The following SLC7A14 variants were observed in gnomAD, a reference collection of about 807,000 sequenced individuals.
SLC7A14 encodes the protein gamma-aminobutyric acid transporter SLC7A14.
SLC7A14 carries 37 observed loss-of-function variants against 60.2 expected under a neutral mutation model. The ratio of observed to expected loss-of-function variants is 0.61; its 90% CI spans 0.47 to 0.81. The LOEUF (loss-of-function observed/expected upper bound fraction) is 0.81, where lower values mean the gene tolerates loss of function less well. Among genes scored for constraint, SLC7A14 ranks in the 30% least tolerant of loss-of-function variants. The pLI, the probability that SLC7A14 is intolerant of heterozygous loss-of-function variation, is 0.00. For missense variants in SLC7A14, 886 were observed against 982.7 expected (o/e 0.90, Z 1.32); for synonymous variants, 399 against 395.8 (o/e 1.01, Z -0.10).
chr3:170,495,178 A>G (rs374029275), intron 4 of SLC7A14, among the ~76,000 whole-genome samples: 22 of 152,230 alleles, frequency 1.4e-4, no homozygotes, highest in African/African-American at 5.1e-4. Context: ...AAAACATCCA[A>G]GATTTTGCTG....
At chr3:170,496,670 G>GT (rs1712408181) in intron 4 of SLC7A14, 1 of 1,164,574 alleles carries the variant, frequency 8.6e-7, no homozygotes, top group African/African-American at 1.5e-5. Flanking sequence ...AGTATCCATA[G>GT]GAAGACCACC....
Position 170,481,166 on chromosome 3 carries a change from C to A in SLC7A14, c.1116G>T (p.Arg372Ser), listed in dbSNP as rs1577500260. The A allele has an allele frequency of 1.2e-6, 2 of 1,611,626 alleles. No homozygotes were observed. The highest frequency in any genetic ancestry group is 1.1e-5 in the South Asian group (1 of 90,658). The change falls in exon 7 of 8, where the codon AGG becomes AGT. Residue 372 changes from arginine to serine, a missense_variant and splice_region_variant. Coordinates refer to ENST00000231706, the MANE Select transcript of SLC7A14 (RefSeq NM_020949.3). ...YAMAGDGLLF[R>S]FLAHVSSYTE... ...TGTAGGAGCTGACGTGAGCCAGGAA[C>A]CTGGAGGGGCCGGGCAAGCAGAGGG...
At position 170,548,662 on chromosome 3, in the gene SLC7A14, T is replaced by A. The variant is rs1288065657; in HGVS notation, c.-152-21574A>T. 5.3e-5 allele frequency among the ~76,000 whole-genome samples: 8 copies of A among 152,140 alleles called. No homozygotes were observed. In the East Asian group the frequency reaches 1.5e-3, roughly 29 times the overall value. ...CAGGCTCTTTCATGGAGCTTCTGAG[T>A]CCACATCTCTGGGAGTGGAATTCAA... is the stretch of plus-strand genomic sequence containing the variant. On this transcript the variant is annotated intron_variant, in intron 1 of 7. Coordinates refer to ENST00000231706, the MANE Select transcript of SLC7A14 (RefSeq NM_020949.3).
chr3:170,543,162 C>G (rs1714070983), intron 1 of SLC7A14, among the ~76,000 whole-genome samples: 1 of 152,170 alleles, frequency 6.6e-6, no homozygotes, highest in Non-Finnish European at 1.5e-5. Context: ...GTCACTCTCT[C>G]AGATCTGAAG....
intron 4 of SLC7A14, among the ~76,000 whole-genome samples, chr3:170,488,763 G>A (rs1352709972): frequency 2.0e-5 from 3 of 152,156 alleles, no homozygotes; most frequent in East Asian, 1.9e-4. Context: ...AACATTGGGG[G>A]AAAATCTTCA....
At chr3:170,568,064 T>C (rs1714843171) in intron 1 of SLC7A14, among the ~76,000 whole-genome samples, 1 of 152,230 alleles carries the variant, frequency 6.6e-6, no homozygotes, top group South Asian at 2.1e-4. Flanking sequence ...TTTGGTGTTT[T>C]AGACATGAAG....
chr3:170,539,177 GT>G (rs1222252884), intron 1 of SLC7A14, among the ~76,000 whole-genome samples: 1 of 131,050 alleles, frequency 7.6e-6, no homozygotes, highest in African/African-American at 3.0e-5. Flanking sequence ...ACCCTCCTTG[GT>G]TCAGCCACAC....
intron 1 of SLC7A14, among the ~76,000 whole-genome samples, chr3:170,553,263 G>A (rs1467385429): frequency 6.6e-6 from 1 of 152,202 alleles, no homozygotes; most frequent in Non-Finnish European, 1.5e-5. Flanking sequence ...GGTCGAAAGA[G>A]TGAATCTTCA....
chr3:170,508,703 A>G (rs1028206519), intron 2 of SLC7A14, among the ~76,000 whole-genome samples: 1 of 152,160 alleles, frequency 6.6e-6, no homozygotes, highest in African/African-American at 2.4e-5. Context: ...TGATTTCCTT[A>G]CTTTTCTTAA....
chr3:170,521,516 G>A (rs533588784), intron 2 of SLC7A14, among the ~76,000 whole-genome samples: 73 of 152,264 alleles, frequency 4.8e-4, no homozygotes, highest in Non-Finnish European at 6.6e-4. Context: ...TGAAAGACAC[G>A]CCACAAACTG....
At chr3:170,516,587 A>AAAAT (rs1274324549) in intron 2 of SLC7A14, among the ~76,000 whole-genome samples, 1 of 151,740 alleles carries the variant, frequency 6.6e-6, no homozygotes, top group Non-Finnish European at 1.5e-5. Context: ...ACAATAAAAT[A>AAAAT]AAATAAATAA....
In SLC7A14 at chr3:170,561,621, A is replaced by G. The variant is rs551141414; in HGVS notation, c.-153+24290T>C. 5.7e-4 allele frequency among the ~76,000 whole-genome samples: 87 copies of G among 152,260 alleles called. 2 individuals carry two copies. The highest frequency in any genetic ancestry group is 1.2e-4 in the African/African-American group (5 of 41,466). ...GAAAAATGCTACATGGAAAAGTGGTAAAAACTTTAAAAGGCTATCCATGGG... is the reference window on the plus strand; with the variant it reads ...GAAAAATGCTACATGGAAAAGTGGTGAAAACTTTAAAAGGCTATCCATGGG... On this transcript the variant is annotated intron_variant, in intron 1 of 7. Transcript: ENST00000231706.
chr3:170,504,628 G>T (rs188477689), intron 2 of SLC7A14, among the ~76,000 whole-genome samples: 57 of 152,126 alleles, frequency 3.7e-4, no homozygotes, highest in African/African-American at 1.3e-3. Flanking sequence ...CGAAACCTTG[G>T]TTTTTATCCT....
intron 1 of SLC7A14, among the ~76,000 whole-genome samples, chr3:170,566,650 T>C (rs1402537218): frequency 6.6e-6 from 1 of 152,176 alleles, no homozygotes; most frequent in Non-Finnish European, 1.5e-5. Flanking sequence ...CCACTGCCTG[T>C]GGCTTAAGGT....
At position 170,527,014 on chromosome 3, in the gene SLC7A14, A is replaced by G; in HGVS notation, c.-78T>C. ...GCCTTAGTGGATGGTTCTGGAACTC[A>G]TCTAGTGAACAGGGATCTCCCTTTT... On this transcript the variant is annotated 5_prime_UTR_variant, in exon 2 of 8. It removes an upstream start codon present in the reference 5' UTR. Coordinates refer to ENST00000231706, the MANE Select transcript of SLC7A14 (RefSeq NM_020949.3). 1 of 1,454,956 alleles carries G rather than the reference A, an allele frequency of 6.9e-7. No individual in the cohort carries two copies. The highest frequency in any genetic ancestry group is 9.2e-7 in the Non-Finnish European group (1 of 1,083,632). 90.1% of individuals were successfully genotyped at this position (1,454,956 alleles called of 1,614,324 possible). A position where few individuals can be genotyped will look rare whatever the true frequency, so the allele number is the denominator to read the frequency against.
At chr3:170,477,700 C>T (rs1353839858) in intron 7 of SLC7A14, among the ~76,000 whole-genome samples, 2 of 152,166 alleles carry the variant, frequency 1.3e-5, no homozygotes, top group African/African-American at 4.8e-5. Flanking sequence ...TTTGTGAAAT[C>T]ACCAGATTCA....
chr3:170,507,890 A>G (rs1712832722), intron 2 of SLC7A14, among the ~76,000 whole-genome samples: 1 of 152,028 alleles, frequency 6.6e-6, no homozygotes. Context: ...AAAGCCCCTC[A>G]CCCTCCTCTG....
chr3:170,585,420 G>A lies in SLC7A14; in HGVS notation c.-153+491C>T, dbSNP rs1210708271. Among the ~76,000 whole-genome samples the A allele has an allele frequency of 6.6e-6, 1 of 152,178 alleles. No individual in the cohort carries two copies. The highest frequency in any genetic ancestry group is 2.4e-5 in the African/African-American group (1 of 41,460). Reference sequence around the variant, plus strand: ...GGCAGACGTTGCTCCCGACCTCCCCGGAGTCTGCGGCCGGAAAAGCGTCTC... The same window carrying A: ...GGCAGACGTTGCTCCCGACCTCCCCAGAGTCTGCGGCCGGAAAAGCGTCTC... On this transcript the variant is annotated intron_variant, in intron 1 of 7. Coordinates refer to ENST00000231706, the MANE Select transcript of SLC7A14 (RefSeq NM_020949.3). This position sits in a 1 kb window ranked among gnomAD's most constrained non-coding sequence, Gnocchi z 5.1.
intron 1 of SLC7A14, among the ~76,000 whole-genome samples, chr3:170,558,226 G>A (rs188444057): frequency 6.6e-6 from 1 of 152,204 alleles, no homozygotes; most frequent in Admixed American, 6.5e-5. Context: ...AAATTAGCCA[G>A]GTGTGGTGGT....
Sources: allele counts gnomAD v4.1 joint callset (sites outside exome capture counted in the v4.1 genomes callset), GRCh38; gene constraint gnomAD v4.1.1; non-coding constraint Gnocchi (gnomAD v3.1); transcripts MANE v1.5; gene names NCBI Gene and HGNC (gene_info 2026-07-23, HGNC 2026-07-21).